KLF15: variants seen among roughly 807,000 people sequenced by gnomAD.
KLF15 encodes KLF transcription factor 15.
In KLF15, 4 loss-of-function variants were observed where a neutral mutation model predicts 24.6. The observed-to-expected ratio is 0.16, with a 90% CI of 0.08 to 0.37. The LOEUF is 0.37. Among genes scored for constraint, KLF15 ranks in the 10% least tolerant of loss-of-function variants. KLF15 has a pLI of 1.00. For synonymous variants in KLF15, 246 were observed against 236.3 expected (o/e 1.04, Z -0.37); for missense variants, 496 against 560.6 (o/e 0.88, Z 1.16).
At chr3:126,296,908 A>T in the KLF15 span, among the ~76,000 whole-genome samples, 800 of 152,190 alleles carry the variant, frequency 5.3e-3, 5 homozygotes, top group African/African-American at 0.019. Context: ...TTTATTTTCT[A>T]GTTGATCATT....
At chr3:126,292,205 C>G in the KLF15 span, among the ~76,000 whole-genome samples, 3 of 152,218 alleles carry the variant, frequency 2.0e-5, no homozygotes, top group Non-Finnish European at 4.4e-5. Context: ...AAGCACAGGG[C>G]TGGGGTCCCA....
At chr3:126,298,157 T>TGGTA in the KLF15 span, among the ~76,000 whole-genome samples, 1 of 152,126 alleles carries the variant, frequency 6.6e-6, no homozygotes, top group Admixed American at 6.5e-5. Flanking sequence ...AGGAGTAAGG[T>TGGTA]GGTATCTCAT....
In KLF15 at chr3:126,343,152, G is replaced by GCCCCCCCCCCCCCCCCCCCCCCCCCC. The variant is rs576384165; in HGVS notation, c.*549_*574dup. On this transcript the variant is annotated 3_prime_UTR_variant, in exon 3 of 3. Coordinates refer to ENST00000296233, the MANE Select transcript of KLF15 (RefSeq NM_014079.4). ...CATGAGGGCCCAGCGGCCCGGTCCT[G>GCCCCCCCCCCCCCCCCCCCCCCCCCC]CCCCCCCCCCCCCCCCCCCCCCCCC... 8.4e-5 allele frequency: 1 copy of GCCCCCCCCCCCCCCCCCCCCCCCCCC among 11,908 alleles called. No homozygotes were observed. Among genetic ancestry groups the GCCCCCCCCCCCCCCCCCCCCCCCCCC allele is most frequent in the Non-Finnish European group, 1.4e-4 (1 of 7,000 alleles). 0.7% of individuals were successfully genotyped at this position (11,908 alleles called of 1,614,324 possible).
intron 2 of KLF15, among the ~76,000 whole-genome samples, chr3:126,345,804 G>A (rs549491086): frequency 3.3e-5 from 5 of 152,236 alleles, no homozygotes; most frequent in Non-Finnish European, 7.3e-5. Context: ...TGGCAGGAGG[G>A]CCTGCAGGAG....
Position 126,343,550 on chromosome 3 carries a change from A to G in KLF15, c.*177T>C, listed in dbSNP as rs1224946666. On this transcript the variant is annotated 3_prime_UTR_variant, in exon 3 of 3. Coordinates refer to ENST00000296233, the MANE Select transcript of KLF15 (RefSeq NM_014079.4). Reference sequence around the variant, plus strand: ...CCCAGGGACGCGGGTTCGAGGCTCTAAGTACTCCCGAGAAAGGCAGCGGTT... The same window carrying G: ...CCCAGGGACGCGGGTTCGAGGCTCTGAGTACTCCCGAGAAAGGCAGCGGTT... 1 of 617,360 alleles carries G rather than the reference A, an allele frequency of 1.6e-6. No homozygotes were observed. Among genetic ancestry groups the G allele is most frequent in the Admixed American group, 3.6e-5 (1 of 28,168 alleles). The allele number at this position is 617,360 out of a possible 1,614,324, so 38.2% of individuals were successfully genotyped here.
the KLF15 span, among the ~76,000 whole-genome samples, chr3:126,323,421 A>AAAACATATATATGT: frequency 5.6e-5 from 2 of 35,470 alleles, no homozygotes; most frequent in Non-Finnish European, 1.0e-4. Context: ...ATATATATAT[A>AAAACATATATATGT]TATATATATA....
At chr3:126,331,478 T>C in the KLF15 span, among the ~76,000 whole-genome samples, 3 of 152,212 alleles carry the variant, frequency 2.0e-5, no homozygotes, top group Non-Finnish European at 4.4e-5. Context: ...CCTGAGAAGA[T>C]GCAACTTCAA....
intron 2 of KLF15, among the ~76,000 whole-genome samples, chr3:126,344,329 G>A (rs2082513853): frequency 6.6e-6 from 1 of 151,880 alleles, no homozygotes; most frequent in South Asian, 2.1e-4. Flanking sequence ...CAAAGTGCTG[G>A]GATTAAAGGC....
the KLF15 span, among the ~76,000 whole-genome samples, chr3:126,321,937 G>A: frequency 6.6e-6 from 1 of 152,160 alleles, no homozygotes; most frequent in East Asian, 1.9e-4. Flanking sequence ...CATCTACACC[G>A]AAGAGCAAAT....
At chr3:126,354,891 G>A (rs1259554737) in intron 1 of KLF15, among the ~76,000 whole-genome samples, 2 of 152,252 alleles carry the variant, frequency 1.3e-5, no homozygotes, top group Non-Finnish European at 2.9e-5. Context: ...CTCAGTCTGT[G>A]AGATGGGGGT....
chr3:126,301,948 T>C, the KLF15 span, among the ~76,000 whole-genome samples: 58,451 of 151,402 alleles, frequency 0.39, 11,500 homozygotes, highest in Non-Finnish European at 0.42. Flanking sequence ...CTTTTTTTTT[T>C]CCTAGTTTCT....
At chr3:126,331,927 C>T in the KLF15 span, among the ~76,000 whole-genome samples, 170 of 152,334 alleles carry the variant, frequency 1.1e-3, no homozygotes, top group African/African-American at 3.8e-3. Context: ...CCTACGCCCA[C>T]GGAATCTCAC....
At chr3:126,351,341 C>T (rs1052474805) in intron 2 of KLF15, among the ~76,000 whole-genome samples, 1 of 152,248 alleles carries the variant, frequency 6.6e-6, no homozygotes, top group Non-Finnish European at 1.5e-5. Flanking sequence ...GCAGCATTTT[C>T]AGGATGTGAC....
downstream of KLF15, among the ~76,000 whole-genome samples, chr3:126,338,547 G>A (rs2082456165): frequency 6.6e-6 from 1 of 152,210 alleles, no homozygotes; most frequent in Non-Finnish European, 1.5e-5. Flanking sequence ...AGGAGACCCT[G>A]AGAGCCACAC....
chr3:126,350,598 C>G (rs182226146), intron 2 of KLF15, among the ~76,000 whole-genome samples: 73 of 152,366 alleles, frequency 4.8e-4, no homozygotes, highest in South Asian at 6.2e-4. Context: ...CTCTCAGAAC[C>G]AGAGTATGGT....
chr3:126,293,291 G>A, the KLF15 span, among the ~76,000 whole-genome samples: 2 of 152,136 alleles, frequency 1.3e-5, no homozygotes, highest in South Asian at 4.1e-4. Context: ...CTCTAGCAGT[G>A]GATGACAGAG....
chr3:126,288,573 C>T, the KLF15 span, among the ~76,000 whole-genome samples: 1 of 152,266 alleles, frequency 6.6e-6, no homozygotes, highest in Non-Finnish European at 1.5e-5. Flanking sequence ...GTACCAGCGG[C>T]CTCCCGGACA....
At chr3:126,357,054 G>T (rs1373691342) in intron 1 of KLF15, among the ~76,000 whole-genome samples, 183 bp downstream of exon 1, 1 of 151,496 alleles carries the variant, frequency 6.6e-6, no homozygotes, top group African/African-American at 2.4e-5. Context: ...CCTCCCCCGG[G>T]CCAGTCCGAC....
chr3:126,304,542 G>C, the KLF15 span, among the ~76,000 whole-genome samples: 1 of 152,174 alleles, frequency 6.6e-6, no homozygotes, highest in Non-Finnish European at 1.5e-5. Flanking sequence ...GATCTTCAGG[G>C]TTCTCTTCTT....
Sources: allele counts gnomAD v4.1 joint callset (sites outside exome capture counted in the v4.1 genomes callset), GRCh38; gene constraint gnomAD v4.1.1; transcripts MANE v1.5; gene names NCBI Gene and HGNC (gene_info 2026-07-23, HGNC 2026-07-21).